The following RUVBL1 variants were observed in gnomAD, a reference collection of about 807,000 sequenced individuals.
RUVBL1 encodes the protein RuvB like AAA ATPase 1.
Under a neutral mutation model 52.4 loss-of-function variants are expected in RUVBL1, and 4 were observed. The ratio of observed to expected loss-of-function variants is 0.08; its 90% CI spans 0.04 to 0.17. The LOEUF is 0.17. Among genes scored for constraint, RUVBL1 ranks in the 10% least tolerant of loss-of-function variants. The probability of loss-of-function intolerance (pLI) is 1.00; values close to 1 mark genes in which losing one functional copy is unlikely to be tolerated. For missense variants in RUVBL1, 298 were observed against 572.8 expected (o/e 0.52, Z 4.90); for synonymous variants, 217 against 214.4 (o/e 1.01, Z -0.10).
chr3:128,152,958 G>GC (rs1213839086), intron 1 of RUVBL1, among the ~76,000 whole-genome samples: 5 of 11,438 alleles, frequency 4.4e-4, no homozygotes, highest in Non-Finnish European at 6.5e-4. Context: ...CCGTCTTCCC[G>GC]CCCCCCCCGC....
In RUVBL1 at chr3:128,071,644, G is replaced by A. The variant is rs72974063; in HGVS notation, c.940-6424C>T. Reference sequence around the variant, plus strand: ...CGCCAAAATGGCATAACTGAGATAAGGTGAATAAGTGACAAATAAAGCCAG... The same window carrying A: ...CGCCAAAATGGCATAACTGAGATAAAGTGAATAAGTGACAAATAAAGCCAG... On this transcript the variant is annotated intron_variant, in intron 9 of 9. Coordinates refer to the RUVBL1 transcript ENST00000464873. 155 of 152,792 alleles carry A rather than the reference G, an allele frequency of 1.0e-3. 1 individual carries two copies. The highest frequency in any genetic ancestry group is 3.2e-3 in the African/African-American group (133 of 41,582). The allele number at this position is 152,792 out of a possible 1,614,324, so 9.5% of individuals were successfully genotyped here. A position where few individuals can be genotyped will look rare whatever the true frequency, so the allele number is the denominator to read the frequency against.
At chr3:128,078,185 G>A (rs947473381), downstream of RUVBL1, among the ~76,000 whole-genome samples, 3 of 152,182 alleles carry the variant, frequency 2.0e-5, no homozygotes, top group Non-Finnish European at 2.9e-5. Context: ...GACTGGGAGT[G>A]CAACCCCAGC....
chr3:128,086,463 C>T (rs537681597), intron 9 of RUVBL1, among the ~76,000 whole-genome samples: 11 of 152,342 alleles, frequency 7.2e-5, no homozygotes, highest in African/African-American at 2.6e-4. Flanking sequence ...CGCATCGAGA[C>T]GTCACTGCAG....
chr3:128,113,833 T>C (rs1299670523), intron 2 of RUVBL1, among the ~76,000 whole-genome samples: 1 of 152,200 alleles, frequency 6.6e-6, no homozygotes, highest in Non-Finnish European at 1.5e-5. Context: ...TTGAGATACC[T>C]GCTTTCTCTT....
Position 128,081,160 on chromosome 3 carries a change from G to T in RUVBL1, c.*90C>A. 1 of 1,383,428 alleles carries T rather than the reference G, an allele frequency of 7.2e-7. No homozygotes were observed. Among genetic ancestry groups the T allele is most frequent in the Non-Finnish European group, 1.0e-6 (1 of 1,002,076 alleles). 85.7% of individuals were successfully genotyped at this position (1,383,428 alleles called of 1,614,324 possible). Reference sequence around the variant, plus strand: ...TGCAGACCACGCCTGAGTGGGGACGGCAGCCCCAAGCCCAGGGGCAAGCGC... The same window carrying T: ...TGCAGACCACGCCTGAGTGGGGACGTCAGCCCCAAGCCCAGGGGCAAGCGC... On this transcript the variant is annotated 3_prime_UTR_variant, in exon 11 of 11. Transcript: ENST00000322623. This position sits in a 1 kb window ranked among gnomAD's most constrained non-coding sequence, Gnocchi z 4.8.
chr3:128,102,235 G>A lies in RUVBL1; in HGVS notation c.514-587C>T, dbSNP rs542071869. On this transcript the variant is annotated intron_variant, in intron 4 of 10. Transcript: ENST00000322623. Reference sequence around the variant, plus strand: ...TTCCTCATCTATACAACAGCACCCAGGTGCAATCACAGATGTATACAGTAA... The same window carrying A: ...TTCCTCATCTATACAACAGCACCCAAGTGCAATCACAGATGTATACAGTAA... Among the ~76,000 whole-genome samples the A allele has an allele frequency of 6.6e-5, 10 of 152,354 alleles. No individual in the cohort carries two copies. In the South Asian group the frequency reaches 2.1e-3, roughly 32 times the overall value.
At chr3:128,088,267 G>GAA (rs369672572) in intron 8 of RUVBL1, among the ~76,000 whole-genome samples, 4 of 68,424 alleles carry the variant, frequency 5.8e-5, no homozygotes, top group African/African-American at 1.2e-4. Context: ...GTTCCAAAAA[G>GAA]AAAGAAAAAA....
chr3:128,103,338 T>C (rs1258013502), intron 4 of RUVBL1, among the ~76,000 whole-genome samples: 1 of 152,204 alleles, frequency 6.6e-6, no homozygotes, highest in African/African-American at 2.4e-5. Flanking sequence ...AGGTGGCAGA[T>C]GCTACTGAGA....
chr3:128,127,093 G>C (rs185297537), upstream of RUVBL1, among the ~76,000 whole-genome samples: 9 of 152,290 alleles, frequency 5.9e-5, no homozygotes, highest in Admixed American at 5.2e-4. Flanking sequence ...CTGCAGGCTG[G>C]TCTTCTTTGT....
chr3:128,150,768 A>T lies in RUVBL1; in HGVS notation c.-40+2435T>A, dbSNP rs1388475466. ...ATTATATATTCTCTATATATTCTAT[A>T]TATTATATATTCTATATATATTCTA... is the stretch of plus-strand genomic sequence containing the variant. On this transcript the variant is annotated intron_variant, in intron 1 of 9. Transcript: ENST00000464873. Among the ~76,000 whole-genome samples, 7 of 110,284 alleles carry T rather than the reference A, an allele frequency of 6.3e-5. No individual in the cohort carries two copies. The Admixed American group carries it at 7.6e-4, about 12-fold the overall frequency. 72.4% of individuals were successfully genotyped at this position (110,284 alleles called of 152,430 possible). A position where few individuals can be genotyped will look rare whatever the true frequency, so the allele number is the denominator to read the frequency against.
chr3:128,124,121 T>TA (rs1351038011), upstream of RUVBL1, among the ~76,000 whole-genome samples: 1 of 152,176 alleles, frequency 6.6e-6, no homozygotes, highest in African/African-American at 2.4e-5. Context: ...GTCATACTCT[T>TA]ACGCAAATCT....
intron 1 of RUVBL1, among the ~76,000 whole-genome samples, chr3:128,147,295 C>T (rs1372946143): frequency 6.6e-6 from 1 of 152,110 alleles, no homozygotes; most frequent in African/African-American, 2.4e-5. Context: ...GTCTCCAACT[C>T]CTGGGCTCAA....
At chr3:128,100,512 A>C (rs1169593909) in intron 6 of RUVBL1, 83 bp downstream of exon 6, 1 of 1,484,832 alleles carries the variant, frequency 6.7e-7, no homozygotes, top group Non-Finnish European at 9.0e-7. Context: ...GAAAGGCAGC[A>C]AGACTCTGAC....
chr3:128,149,491 TTGATA>T (rs201905784), intron 1 of RUVBL1, among the ~76,000 whole-genome samples: 1 of 152,254 alleles, frequency 6.6e-6, no homozygotes, highest in Non-Finnish European at 1.5e-5. Flanking sequence ...GGCCTTTGTC[TTGATA>T]TAATTTCAAA....
chr3:128,132,085 C>T (rs536422628), intron 1 of RUVBL1, among the ~76,000 whole-genome samples: 2 of 152,316 alleles, frequency 1.3e-5, no homozygotes, highest in South Asian at 2.1e-4. Flanking sequence ...AATCTATGTA[C>T]TTGGCAGAGA....
chr3:128,090,086 T>C (rs1412136113), intron 8 of RUVBL1, among the ~76,000 whole-genome samples: 1 of 152,156 alleles, frequency 6.6e-6, no homozygotes, highest in African/African-American at 2.4e-5. Flanking sequence ...GCGATGGTCA[T>C]GCCACCCTGT....
chr3:128,139,227 CAAAG>C (rs939935173), intron 1 of RUVBL1, among the ~76,000 whole-genome samples: 2 of 152,012 alleles, frequency 1.3e-5, no homozygotes, highest in African/African-American at 4.8e-5. Context: ...CTCTGCACAA[CAAAG>C]AAACAATCAA....
At chr3:128,105,323 T>C (rs1178491740) in intron 3 of RUVBL1, among the ~76,000 whole-genome samples, 2 of 151,902 alleles carry the variant, frequency 1.3e-5, no homozygotes, top group Admixed American at 6.6e-5. Context: ...GGTTTCACCA[T>C]GTTAGCCAGG....
intron 2 of RUVBL1, 43 bp from the exon 3 acceptor site, chr3:128,113,063 A>G: frequency 1.2e-6 from 2 of 1,603,872 alleles, no homozygotes. Context: ...AGTCCTGAAA[A>G]CATGACAGTT....
Sources: allele counts gnomAD v4.1 joint callset (sites outside exome capture counted in the v4.1 genomes callset), GRCh38; gene constraint gnomAD v4.1.1; non-coding constraint Gnocchi (gnomAD v3.1); transcripts MANE v1.5; gene names NCBI Gene and HGNC (gene_info 2026-07-23, HGNC 2026-07-21).